Variants in NEMF observed in about 807,000 individuals in gnomAD.
NEMF encodes ribosome quality control complex subunit NEMF.
A neutral mutation model predicts 162.2 loss-of-function variants in NEMF; 89 were observed. That is an observed-to-expected ratio of 0.55 (90% CI 0.46 to 0.65). The LOEUF is 0.65. NEMF is among the 30% of genes least tolerant of loss of function. The pLI is 0.00. For missense variants in NEMF, 1,133 were observed against 1,261.9 expected, an observed-to-expected ratio of 0.90 and a Z score of 1.55; for synonymous variants, 421 against 404.5, an observed-to-expected ratio of 1.04 and a Z score of -0.49.
intron 16 of NEMF, among the ~76,000 whole-genome samples, chr14:49,820,814 T>C (rs1188529874): frequency 6.6e-6 from 1 of 152,024 alleles, no homozygotes; most frequent in East Asian, 1.9e-4. Flanking sequence ...GAGATGGGGT[T>C]TCGCTGTGTT....
intron 28 of NEMF, among the ~76,000 whole-genome samples, chr14:49,787,576 A>G (rs1175238677): frequency 6.6e-6 from 1 of 152,196 alleles, no homozygotes; most frequent in Non-Finnish European, 1.5e-5. Context: ...CACTCATCTC[A>G]TTCATGACAG....
chr14:49,831,430 AT>A, intron 10 of NEMF, 69 bp from the exon 11 acceptor site: 1 of 870,756 alleles, frequency 1.1e-6, no homozygotes, highest in Non-Finnish European at 1.8e-6. Context: ...CATACACAGA[AT>A]TTTATTTTTT....
intron 28 of NEMF, among the ~76,000 whole-genome samples, chr14:49,788,265 C>T (rs538309797): frequency 0.013 from 1,177 of 92,694 alleles, 11 homozygotes; most frequent in Middle Eastern, 0.025. Context: ...GGCAACAGAG[C>T]AAGACTGCCT....
chr14:49,799,380 G>C, intron 25 of NEMF, 95 bp downstream of exon 25: 1 of 978,740 alleles, frequency 1.0e-6, no homozygotes, highest in Non-Finnish European at 1.5e-6. Context: ...AATGAAGGAA[G>C]TCTTTAAACA....
At chr14:49,812,746 T>C (rs1272235283) in intron 18 of NEMF, among the ~76,000 whole-genome samples, 1 of 152,180 alleles carries the variant, frequency 6.6e-6, no homozygotes, top group Non-Finnish European at 1.5e-5. Context: ...TTCACCCCAT[T>C]ATAGTCAGAA....
intron 3 of NEMF, among the ~76,000 whole-genome samples, chr14:49,848,305 G>C (rs1452228439): frequency 6.6e-6 from 1 of 151,844 alleles, no homozygotes; most frequent in Admixed American, 6.6e-5. Flanking sequence ...CTGGCCATAA[G>C]GTTCTTTTTC....
chr14:49,829,512 T>C, intron 11 of NEMF, 86 bp from the exon 12 acceptor site: 1 of 1,076,088 alleles, frequency 9.3e-7, no homozygotes, highest in Non-Finnish European at 1.4e-6. Context: ...CTCACTATCC[T>C]GACCCCATCT....
At chr14:49,813,396 T>G (rs530300630) in intron 18 of NEMF, among the ~76,000 whole-genome samples, 1 of 152,340 alleles carries the variant, frequency 6.6e-6, no homozygotes, top group South Asian at 2.1e-4. Context: ...AAGTAGAGTA[T>G]TCTAGAGATG....
intron 7 of NEMF, chr14:49,834,061 A>AT (rs1413178924): frequency 1.6e-5 from 8 of 485,298 alleles, no homozygotes; most frequent in South Asian, 3.3e-5. Flanking sequence ...AATCTCATTC[A>AT]ATTTTTTTTT....
chr14:49,845,613 T>C (rs1240425972), intron 4 of NEMF, among the ~76,000 whole-genome samples: 3 of 152,234 alleles, frequency 2.0e-5, no homozygotes, highest in African/African-American at 7.2e-5. Context: ...CTAAGCTTTT[T>C]TTCCATTTTA....
chr14:49,845,427 C>A (rs916632796), intron 4 of NEMF, among the ~76,000 whole-genome samples: 2 of 152,108 alleles, frequency 1.3e-5, no homozygotes, highest in African/African-American at 4.8e-5. Flanking sequence ...TGCGCTCAGC[C>A]AAATTTATTT....
chr14:49,851,984 T>C lies in NEMF; in HGVS notation c.60-109A>G. On this transcript the variant is annotated intron_variant, in intron 1 of 32. Coordinates refer to ENST00000298310, the MANE Select transcript of NEMF (RefSeq NM_004713.6). The stretch of plus-strand genomic sequence containing the variant: ...GAGCGGATCTCAGTCTCTAAGGATA[T>C]GGAGTCAGCCGAGGAGCAGAGTCTG... 3 of 670,046 alleles carry C rather than the reference T, an allele frequency of 4.5e-6. No homozygotes were observed. In the East Asian group the frequency reaches 8.3e-5, roughly 19 times the overall value. 41.5% of individuals were successfully genotyped at this position (670,046 alleles called of 1,614,324 possible).
At chr14:49,819,716 AT>A (rs1381740756) in intron 16 of NEMF, among the ~76,000 whole-genome samples, 1 of 151,676 alleles carries the variant, frequency 6.6e-6, no homozygotes, top group Non-Finnish European at 1.5e-5. Flanking sequence ...CACCTAGCCT[AT>A]CCCTGTCTTT....
chr14:49,808,294 T>C (rs1001897925), intron 18 of NEMF, among the ~76,000 whole-genome samples: 3 of 152,216 alleles, frequency 2.0e-5, no homozygotes, highest in Non-Finnish European at 4.4e-5. Flanking sequence ...TGACTCAGCC[T>C]CCCAAGTAGC....
chr14:49,810,822 C>T (rs570018559), intron 18 of NEMF, among the ~76,000 whole-genome samples: 2 of 152,272 alleles, frequency 1.3e-5, no homozygotes, highest in African/African-American at 4.8e-5. Flanking sequence ...AAAACCTCAT[C>T]TCTACAAAAA....
intron 22 of NEMF, 78 bp from the exon 23 acceptor site, chr14:49,800,774 A>G (rs1022139946): frequency 6.0e-6 from 8 of 1,338,572 alleles, no homozygotes; most frequent in Admixed American, 4.2e-5. Flanking sequence ...TCATAAAAAT[A>G]TTCCACTGTT....
intron 11 of NEMF, among the ~76,000 whole-genome samples, chr14:49,830,032 A>G (rs1039927356): frequency 6.6e-5 from 10 of 152,244 alleles, no homozygotes; most frequent in African/African-American, 2.4e-4. Flanking sequence ...ACAAAGGCTC[A>G]TGGTAGTTAT....
Position 49,802,718 on chromosome 14 carries a change from T to C in NEMF, c.1925A>G (p.Asn642Ser), listed in dbSNP as rs751799199. The change falls in exon 21 of 33, where the codon AAT becomes AGT. Residue 642 changes from asparagine to serine, a missense_variant. By Grantham distance (46) the Asn-to-Ser change is conservative (BLOSUM62 1). Around this residue, in one of 3 missense-constraint regions of NEMF, gnomAD observed 532 missense variants for 578.6 expected, o/e 0.92. Coordinates refer to ENST00000298310, the MANE Select transcript of NEMF (RefSeq NM_004713.6). ...CATTAGATATGAGGGAGGAAGAAAA[T>C]TCTTTTTTCCTACAAAAGATAACGT... ...TGSFMIRGKK[N>S]FLPPSYLMMG... 9.9e-6 allele frequency: 16 copies of C among 1,610,090 alleles called. No individual in the cohort carries two copies. Among genetic ancestry groups the C allele is most frequent in the Non-Finnish European group, 1.4e-5 (16 of 1,177,730 alleles).
chr14:49,782,756 A>G lies in NEMF; in HGVS notation c.*1880T>C. ...TTGAAGAAAGAAAGAGGGATGTTTT[A>G]TGTAGTTTTTCAAGTGAATGTACTT... On this transcript the variant is annotated 3_prime_UTR_variant, in exon 33 of 33. Coordinates refer to ENST00000298310, the MANE Select transcript of NEMF (RefSeq NM_004713.6). 1 of 1,519,954 alleles carries G rather than the reference A, an allele frequency of 6.6e-7. No individual in the cohort carries two copies. Among genetic ancestry groups the G allele is most frequent in the Non-Finnish European group, 9.0e-7 (1 of 1,116,620 alleles). 94.2% of individuals were successfully genotyped at this position (1,519,954 alleles called of 1,614,324 possible).
Sources: gnomAD v4.1 joint callset for allele counts (sites outside exome capture counted in the v4.1 genomes callset) on GRCh38, gnomAD v4.1.1 for gene constraint, gnomAD v4.1.1 regional missense constraint, MANE v1.5 for transcripts, NCBI Gene and HGNC (gene_info 2026-07-23, HGNC 2026-07-21) for gene names.